ERBB4: variants seen among roughly 807,000 people sequenced by gnomAD.
The protein encoded by ERBB4 is receptor tyrosine-protein kinase erbB-4.
A neutral mutation model predicts 158.0 loss-of-function variants in ERBB4; 42 were observed. The observed-to-expected ratio is 0.27, with a 90% confidence interval of 0.21 to 0.34. The LOEUF is 0.34. Ranked by LOEUF, ERBB4 falls within the 10% of genes least tolerant of loss-of-function variation. ERBB4 has a pLI of 1.00. For missense variants in ERBB4, 1,333 were observed against 1,624.1 expected, an observed-to-expected ratio of 0.82 and a Z score of 3.08; for synonymous variants, 583 against 558.7, an observed-to-expected ratio of 1.04 and a Z score of -0.61.
chr2:211,685,126 A>C (rs539040455), intron 12 of ERBB4, among the ~76,000 whole-genome samples: 30 of 152,178 alleles, frequency 2.0e-4, no homozygotes, highest in Non-Finnish European at 4.0e-4. Flanking sequence ...AAATGTTTTT[A>C]ATTTTGATGA....
chr2:211,785,098 T>A (rs1254513658), intron 4 of ERBB4, among the ~76,000 whole-genome samples: 1 of 144,618 alleles, frequency 6.9e-6, no homozygotes, highest in Non-Finnish European at 1.5e-5. Context: ...ACAGCCTTTT[T>A]TTTTTTTTTT....
intron 1 of ERBB4, among the ~76,000 whole-genome samples, chr2:212,430,685 C>T (rs1432092260): frequency 1.3e-5 from 2 of 151,972 alleles, no homozygotes; most frequent in Non-Finnish European, 2.9e-5. Context: ...TTTTTATATT[C>T]GAAGAATATT....
chr2:212,420,240 C>T (rs1560272417), intron 1 of ERBB4, among the ~76,000 whole-genome samples: 1 of 151,926 alleles, frequency 6.6e-6, no homozygotes, highest in Non-Finnish European at 1.5e-5. Context: ...GAAAACTGTT[C>T]CAAGAAGTAA....
intron 1 of ERBB4, among the ~76,000 whole-genome samples, chr2:212,236,384 A>AT (rs1384570753): frequency 6.6e-6 from 1 of 151,986 alleles, no homozygotes; most frequent in East Asian, 1.9e-4. Context: ...TTTATTGAGG[A>AT]TTTTCACATC....
chr2:212,480,900 A>G (rs2106158751), intron 1 of ERBB4, among the ~76,000 whole-genome samples: 1 of 152,368 alleles, frequency 6.6e-6, no homozygotes, highest in East Asian at 1.9e-4. Flanking sequence ...TTTGTAGACA[A>G]GTTTCCTGAA....
chr2:211,394,025 C>T (rs1432389891), intron 25 of ERBB4, among the ~76,000 whole-genome samples: 1 of 151,910 alleles, frequency 6.6e-6, no homozygotes, highest in African/African-American at 2.4e-5. Flanking sequence ...CTATTGTATC[C>T]CCGGGCAGCA....
rs1252090179 is a variant in ERBB4 at position 211,382,161 on chromosome 2, TTTC to T, written c.*1451_*1453del. The stretch of plus-strand genomic sequence containing the variant: ...TCCCTAAGCTTTGAATGTTTGTGTT[TTTC>T]TTTTTATTATACCAATTTATGTGCA... On this transcript the variant is annotated 3_prime_UTR_variant, in exon 28 of 28. Transcript: ENST00000342788. The T allele has an allele frequency of 3.0e-5, 7 of 231,272 alleles. No individual in the cohort carries two copies. The highest frequency in any genetic ancestry group is 2.3e-4 in the Admixed American group (4 of 17,730). The allele number at this position is 231,272 out of a possible 1,614,324, so 14.3% of individuals were successfully genotyped here.
At chr2:212,085,855 G>A (rs74483157) in intron 2 of ERBB4, among the ~76,000 whole-genome samples, 12 of 151,500 alleles carry the variant, frequency 7.9e-5, no homozygotes, top group South Asian at 2.1e-4. Context: ...AAATAAAGTT[G>A]TTATTAGCCT....
At chr2:212,279,875 G>T (rs1278147181) in intron 1 of ERBB4, among the ~76,000 whole-genome samples, 1 of 151,566 alleles carries the variant, frequency 6.6e-6, no homozygotes, top group African/African-American at 2.4e-5. Flanking sequence ...ACAAAAAGTT[G>T]TTGCATATAG....
chr2:211,515,912 AT>A (rs1553555083), intron 20 of ERBB4, among the ~76,000 whole-genome samples: 4,433 of 78,746 alleles, frequency 0.056, 98 homozygotes, highest in Non-Finnish European at 0.069. Context: ...ATATATATAT[AT>A]TTTTTTTTTT....
chr2:211,722,667 C>G lies in ERBB4; in HGVS notation c.742-133G>C, dbSNP rs2106123250. The G allele has an allele frequency of 4.1e-6, 4 of 986,464 alleles. No homozygotes were observed. The East Asian group carries it at 1.0e-4, about 26-fold the overall frequency. The allele number at this position is 986,464 out of a possible 1,614,324, so 61.1% of individuals were successfully genotyped here. ...TTACAAAATTTGATAATTTAAGAGT[C>G]ATGTGTGTTTCCAAAATTTCATAAA... On this transcript the variant is annotated intron_variant, in intron 6 of 27. Coordinates refer to ENST00000342788, the MANE Select transcript of ERBB4 (RefSeq NM_005235.3).
In ERBB4 at chr2:211,755,617, T is replaced by C. The variant is rs1338959243; in HGVS notation, c.557-4913A>G. On this transcript the variant is annotated intron_variant, in intron 4 of 27. Transcript: ENST00000342788. ...TGCTTTCACAATGCATTATTCATCA[T>C]GGAAGCTGGCAAACGTGACTAAGTT... is the stretch of plus-strand genomic sequence containing the variant. 3.3e-5 allele frequency among the ~76,000 whole-genome samples: 5 copies of C among 152,390 alleles called. No individual in the cohort carries two copies. The Middle Eastern group carries it at 0.01, about 311-fold the overall frequency.
chr2:212,450,649 C>T (rs1363751342), intron 1 of ERBB4, among the ~76,000 whole-genome samples: 1 of 152,024 alleles, frequency 6.6e-6, no homozygotes, highest in Non-Finnish European at 1.5e-5. Flanking sequence ...TTGTTTGAGC[C>T]ACTATGTTCT....
At chr2:212,505,390 C>A (rs1414210434) in intron 1 of ERBB4, among the ~76,000 whole-genome samples, 3 of 152,142 alleles carry the variant, frequency 2.0e-5, no homozygotes, top group Admixed American at 2.0e-4. Context: ...CGCCATCACA[C>A]CCGGCCTGTT....
chr2:211,695,060 A>C (rs888412606), intron 12 of ERBB4, among the ~76,000 whole-genome samples: 2 of 152,230 alleles, frequency 1.3e-5, no homozygotes, highest in South Asian at 2.1e-4. Flanking sequence ...TATAGTAAGT[A>C]AAATGCTTGC....
intron 19 of ERBB4, among the ~76,000 whole-genome samples, chr2:211,590,171 G>C (rs2068416850): frequency 6.7e-6 from 1 of 149,288 alleles, no homozygotes; most frequent in African/African-American, 2.5e-5. Flanking sequence ...CTGTGACAGT[G>C]AAAGAGGTCC....
chr2:212,480,904 T>G (rs1689662195), intron 1 of ERBB4, among the ~76,000 whole-genome samples: 1 of 152,218 alleles, frequency 6.6e-6, no homozygotes, highest in Non-Finnish European at 1.5e-5. Flanking sequence ...TAGACAAGTT[T>G]CCTGAATTAG....
At chr2:212,017,975 A>G (rs1469303418) in intron 2 of ERBB4, among the ~76,000 whole-genome samples, 1 of 152,178 alleles carries the variant, frequency 6.6e-6, no homozygotes, top group African/African-American at 2.4e-5. Flanking sequence ...ATGATTCATC[A>G]AAGAGGACAA....
At chr2:212,184,770 A>G (rs572439631) in intron 1 of ERBB4, among the ~76,000 whole-genome samples, 1 of 152,158 alleles carries the variant, frequency 6.6e-6, no homozygotes, top group Non-Finnish European at 1.5e-5. Flanking sequence ...AAAATCCAAA[A>G]CATTTTTATG....
Sources: gnomAD v4.1 joint callset for allele counts (sites outside exome capture counted in the v4.1 genomes callset) on GRCh38, gnomAD v4.1.1 for gene constraint, MANE v1.5 for transcripts, NCBI Gene and HGNC (gene_info 2026-07-23, HGNC 2026-07-21) for gene names.